The following LRFN2 variants were observed in gnomAD, a reference collection of about 807,000 sequenced individuals.
LRFN2 encodes leucine-rich repeat and fibronectin type-III domain-containing protein 2.
A neutral mutation model predicts 37.3 loss-of-function variants in LRFN2; 18 were observed. The observed-to-expected ratio is 0.48, with a 90% CI of 0.33 to 0.72. The LOEUF is 0.72. Among genes scored for constraint, LRFN2 ranks in the 30% least tolerant of loss-of-function variants. LRFN2 has a pLI of 0.02. For missense variants in LRFN2, 1,006 were observed against 1,060.7 expected (o/e 0.95, Z 0.72); for synonymous variants, 556 against 466.6 (o/e 1.19, Z -2.47).
At chr6:40,505,206 G>A (rs116643871) in intron 1 of LRFN2, among the ~76,000 whole-genome samples, 2,616 of 152,258 alleles carry the variant, frequency 0.017, 30 homozygotes, top group Non-Finnish European at 0.029. Context: ...TGGGGGCGGG[G>A]GACAAGGTGC....
At chr6:40,396,883 G>A (rs1401269155) in intron 2 of LRFN2, among the ~76,000 whole-genome samples, 10 of 152,146 alleles carry the variant, frequency 6.6e-5, no homozygotes, top group African/African-American at 2.2e-4. Context: ...TATTTGCCTA[G>A]CACTTACTTG....
intron 2 of LRFN2, among the ~76,000 whole-genome samples, chr6:40,396,015 A>G (rs1320251314): frequency 6.6e-6 from 1 of 152,104 alleles, no homozygotes; most frequent in Non-Finnish European, 1.5e-5. Context: ...AATCTTCTCA[A>G]TATTTAGCCA....
At chr6:40,544,432 T>C (rs557015397) in intron 1 of LRFN2, among the ~76,000 whole-genome samples, 2 of 152,354 alleles carry the variant, frequency 1.3e-5, no homozygotes, top group Admixed American at 6.5e-5. Context: ...CTGCTGAGCA[T>C]TTCTCAGTGG....
intron 1 of LRFN2, among the ~76,000 whole-genome samples, chr6:40,547,480 C>T (rs1026769466): frequency 6.6e-6 from 1 of 152,132 alleles, no homozygotes; most frequent in African/African-American, 2.4e-5. Flanking sequence ...TGCTCTATTA[C>T]ACCATTTAGT....
chr6:40,533,069 G>C (rs936540700), intron 1 of LRFN2, among the ~76,000 whole-genome samples: 1 of 151,970 alleles, frequency 6.6e-6, no homozygotes, highest in Non-Finnish European at 1.5e-5. Flanking sequence ...GGCTTCTTGG[G>C]GTGTCTTGGT....
At chr6:40,505,959 G>A (rs1189207694) in intron 1 of LRFN2, among the ~76,000 whole-genome samples, 1 of 152,216 alleles carries the variant, frequency 6.6e-6, no homozygotes, top group African/African-American at 2.4e-5. Flanking sequence ...GCACTGGAAT[G>A]AATGAACCCA....
intron 1 of LRFN2, among the ~76,000 whole-genome samples, chr6:40,465,990 C>T (rs940350744): frequency 6.6e-6 from 1 of 152,112 alleles, no homozygotes; most frequent in African/African-American, 2.4e-5. Context: ...CCTCTTAAGG[C>T]CCTACAGTCT....
intron 1 of LRFN2, among the ~76,000 whole-genome samples, chr6:40,535,545 AC>A (rs1304894360): frequency 2.0e-5 from 3 of 152,132 alleles, no homozygotes; most frequent in Non-Finnish European, 2.9e-5. Flanking sequence ...AATGGCTTTG[AC>A]ATGACCCCAT....
At chr6:40,580,314 G>T (rs575717056) in intron 1 of LRFN2, among the ~76,000 whole-genome samples, 1 of 152,304 alleles carries the variant, frequency 6.6e-6, no homozygotes, top group African/African-American at 2.4e-5. Context: ...CAGGAAGGAA[G>T]ACACGATCAC....
intron 1 of LRFN2, among the ~76,000 whole-genome samples, chr6:40,451,467 T>C (rs1764103925): frequency 6.6e-6 from 1 of 152,114 alleles, no homozygotes; most frequent in African/African-American, 2.4e-5. Flanking sequence ...GGGCAAGAGA[T>C]AAACAGGGGA....
intron 1 of LRFN2, among the ~76,000 whole-genome samples, chr6:40,480,033 C>G (rs924791938): frequency 6.6e-5 from 10 of 152,244 alleles, no homozygotes; most frequent in African/African-American, 2.4e-4. Flanking sequence ...ACGAAATCCT[C>G]ATGGCCTAGT....
rs571021019 is a variant in LRFN2, at chr6:40,413,055, C to A, written c.1400+18659G>T. ...GAGCACCGTTTGGGGTCTCTGGAGG[C>A]TTATCTCTTCTTTTTCTCCATCTCT... On this transcript the variant is annotated intron_variant, in intron 2 of 2. Transcript: ENST00000338305. Among the ~76,000 whole-genome samples the A allele has an allele frequency of 1.0e-3, 153 of 152,230 alleles. 1 individual carries two copies. The highest frequency in any genetic ancestry group is 3.4e-3 in the African/African-American group (142 of 41,538).
intron 2 of LRFN2, among the ~76,000 whole-genome samples, chr6:40,427,047 G>A (rs1763369506): frequency 6.6e-6 from 1 of 152,200 alleles, no homozygotes; most frequent in Non-Finnish European, 1.5e-5. Flanking sequence ...AATTTCAGAT[G>A]AGCCAGATTT....
chr6:40,493,284 C>A (rs1317420287), intron 1 of LRFN2, among the ~76,000 whole-genome samples: 3 of 152,122 alleles, frequency 2.0e-5, no homozygotes, highest in Admixed American at 2.0e-4. Context: ...CAGTTTCCTG[C>A]CAGGCATTGC....
chr6:40,532,871 A>G (rs1766372841), intron 1 of LRFN2, among the ~76,000 whole-genome samples: 1 of 152,246 alleles, frequency 6.6e-6, no homozygotes, highest in Admixed American at 6.5e-5. Context: ...TACAATGATA[A>G]TAACAGCAAG....
intron 1 of LRFN2, among the ~76,000 whole-genome samples, chr6:40,501,152 A>G (rs922955403): frequency 1.3e-5 from 2 of 151,344 alleles, no homozygotes; most frequent in African/African-American, 4.8e-5. Flanking sequence ...GCCTACATAT[A>G]TATCTATCTG....
At chr6:40,409,977 C>T (rs1443035143) in intron 2 of LRFN2, among the ~76,000 whole-genome samples, 1 of 152,208 alleles carries the variant, frequency 6.6e-6, no homozygotes, top group Non-Finnish European at 1.5e-5. Context: ...TGTGTTTCTG[C>T]TGATTCTCCC....
intron 1 of LRFN2, among the ~76,000 whole-genome samples, chr6:40,441,900 C>A (rs1763845460): frequency 6.6e-6 from 1 of 152,316 alleles, no homozygotes; most frequent in Middle Eastern, 3.4e-3. Context: ...TGGAGGGAGA[C>A]CAGAGTTCCT....
intron 2 of LRFN2, among the ~76,000 whole-genome samples, chr6:40,411,572 C>G (rs1277144867): frequency 6.6e-6 from 1 of 152,190 alleles, no homozygotes; most frequent in Non-Finnish European, 1.5e-5. Context: ...CTCGCCCACC[C>G]TGCCCTGCAC....
Sources: gnomAD v4.1 joint callset for allele counts (sites outside exome capture counted in the v4.1 genomes callset) on GRCh38, gnomAD v4.1.1 for gene constraint, MANE v1.5 for transcripts, NCBI Gene and HGNC (gene_info 2026-07-23, HGNC 2026-07-21) for gene names.